Variants in MACROD2 observed in about 807,000 individuals in gnomAD.
The protein encoded by MACROD2 is ADP-ribose glycohydrolase MACROD2.
Under a neutral mutation model 70.4 loss-of-function variants are expected in MACROD2, and 36 were observed. The observed-to-expected ratio is 0.51, with a 90% confidence interval of 0.39 to 0.68. The LOEUF is 0.68. Among genes scored for constraint, MACROD2 ranks in the 30% least tolerant of loss-of-function variants. The pLI is 0.00. For missense variants in MACROD2, 496 were observed against 538.4 expected, an observed-to-expected ratio of 0.92 and a Z score of 0.78; for synonymous variants, 172 against 178.8, an observed-to-expected ratio of 0.96 and a Z score of 0.30.
chr20:15,373,287 A>G lies in MACROD2; in HGVS notation c.541-58118A>G, dbSNP rs572280593. Among the ~76,000 whole-genome samples, 9 of 152,248 alleles carry G rather than the reference A, an allele frequency of 5.9e-5. No individual in the cohort carries two copies. The East Asian group carries it at 1.7e-3, about 29-fold the overall frequency. On this transcript the variant is annotated intron_variant, in intron 6 of 17. Transcript: ENST00000684519. The stretch of plus-strand genomic sequence containing the variant: ...AATTTTCAGTGACTGTAGTTTTATA[A>G]CCTTGATGTCTGGAAGGGCAAAACC...
intron 3 of MACROD2, among the ~76,000 whole-genome samples, chr20:14,230,669 C>CCATAGATATATATATATA (rs1388842581): frequency 1.1e-5 from 1 of 92,922 alleles, no homozygotes; most frequent in Non-Finnish European, 1.9e-5. Flanking sequence ...CAGGCTGGGC[C>CCATAGATATATATATATA]TATATATATA....
chr20:14,903,673 G>A lies in MACROD2; in HGVS notation c.418+218714G>A, dbSNP rs558368440. Among the ~76,000 whole-genome samples the A allele has an allele frequency of 2.7e-3, 413 of 152,168 alleles. 3 individuals are homozygous for A. Among genetic ancestry groups the A allele is most frequent in the Non-Finnish European group, 4.4e-3 (299 of 68,014 alleles). On this transcript the variant is annotated intron_variant, in intron 5 of 17. Transcript: ENST00000684519. Reference sequence around the variant, plus strand: ...TCATTAGGATACTGTTAGATGCTGTGACAAATAATCCCCACATTTCAGCAG... The same window carrying A: ...TCATTAGGATACTGTTAGATGCTGTAACAAATAATCCCCACATTTCAGCAG...
At chr20:14,897,534 TTTCAGC>T (rs2073845158) in intron 5 of MACROD2, among the ~76,000 whole-genome samples, 1 of 152,312 alleles carries the variant, frequency 6.6e-6, no homozygotes, top group African/African-American at 2.4e-5. Context: ...TACATCTTAG[TTTCAGC>T]ACATGGAATT....
At chr20:15,898,969 T>C (rs2065019303) in intron 10 of MACROD2, among the ~76,000 whole-genome samples, 1 of 151,836 alleles carries the variant, frequency 6.6e-6, no homozygotes, top group African/African-American at 2.4e-5. Flanking sequence ...TACACATACC[T>C]ATATGTGTGT....
chr20:14,682,943 G>A (rs1304665496), intron 4 of MACROD2, among the ~76,000 whole-genome samples: 3 of 152,006 alleles, frequency 2.0e-5, no homozygotes, highest in Non-Finnish European at 2.9e-5. Flanking sequence ...GCAATGGCAC[G>A]ATCTTGGCTC....
At chr20:15,539,643 T>G (rs927934805) in intron 8 of MACROD2, among the ~76,000 whole-genome samples, 4 of 152,196 alleles carry the variant, frequency 2.6e-5, no homozygotes, top group African/African-American at 9.7e-5. Context: ...AGCCATATTT[T>G]AACAAGAAAA....
intron 3 of MACROD2, among the ~76,000 whole-genome samples, chr20:14,165,262 T>G (rs1476513968): frequency 6.6e-6 from 1 of 152,086 alleles, no homozygotes; most frequent in East Asian, 1.9e-4. Flanking sequence ...GGGTCAAGTC[T>G]TTTCCTGTGT....
intron 4 of MACROD2, among the ~76,000 whole-genome samples, chr20:14,500,677 T>A (rs2084906253): frequency 6.6e-6 from 1 of 152,232 alleles, no homozygotes; most frequent in Non-Finnish European, 1.5e-5. Context: ...TAACTTTGGT[T>A]ACTGTGATCC....
At chr20:14,113,201 T>C (rs1488401171) in intron 3 of MACROD2, among the ~76,000 whole-genome samples, 35 of 152,070 alleles carry the variant, frequency 2.3e-4, no homozygotes, top group Admixed American at 2.3e-3. Flanking sequence ...TATTTTATTT[T>C]TACATACTGT....
At chr20:15,597,865 G>A (rs569198435) in intron 8 of MACROD2, among the ~76,000 whole-genome samples, 1 of 152,346 alleles carries the variant, frequency 6.6e-6, no homozygotes, top group South Asian at 2.1e-4. Context: ...GATCACCTGA[G>A]GTCAGGAGTT....
At chr20:14,647,864 C>T (rs1985478881) in intron 4 of MACROD2, among the ~76,000 whole-genome samples, 1 of 152,078 alleles carries the variant, frequency 6.6e-6, no homozygotes, top group African/African-American at 2.4e-5. Context: ...GGAGTACCTT[C>T]ATGTTACTCT....
chr20:14,837,289 A>C (rs549933425), intron 5 of MACROD2, among the ~76,000 whole-genome samples: 1 of 152,202 alleles, frequency 6.6e-6, no homozygotes, highest in East Asian at 1.9e-4. Flanking sequence ...TTATCATTAG[A>C]ACATTTTTGG....
intron 12 of MACROD2, among the ~76,000 whole-genome samples, chr20:15,945,429 A>G (rs1476689537): frequency 2.0e-5 from 3 of 152,150 alleles, no homozygotes; most frequent in African/African-American, 7.2e-5. Flanking sequence ...TATGATAAAC[A>G]AGCACTTTTT....
intron 7 of MACROD2, among the ~76,000 whole-genome samples, chr20:15,499,420 G>A (rs1282446166): frequency 6.6e-6 from 1 of 152,060 alleles, no homozygotes; most frequent in Non-Finnish European, 1.5e-5. Flanking sequence ...TTAAGCTGAG[G>A]ATAATAAACT....
At chr20:14,485,490 G>A (rs531443806) in intron 3 of MACROD2, among the ~76,000 whole-genome samples, 183 of 151,936 alleles carry the variant, frequency 1.2e-3, no homozygotes, top group Middle Eastern at 3.4e-3. Context: ...TCACGAGGTC[G>A]GGAAATCAGG....
intron 2 of MACROD2, among the ~76,000 whole-genome samples, chr20:14,044,406 T>C (rs1317829000): frequency 6.6e-6 from 1 of 152,010 alleles, no homozygotes; most frequent in African/African-American, 2.4e-5. Flanking sequence ...GCTTCCACAG[T>C]GTGGAAGGGG....
chr20:14,102,331 A>G (rs1261488168), intron 3 of MACROD2, among the ~76,000 whole-genome samples: 1 of 151,954 alleles, frequency 6.6e-6, no homozygotes, highest in Non-Finnish European at 1.5e-5. Context: ...CTTCTGAAGA[A>G]CTCAGAGGGA....
intron 5 of MACROD2, among the ~76,000 whole-genome samples, chr20:15,207,163 GTT>G (rs1400921462): frequency 6.6e-6 from 1 of 151,898 alleles, no homozygotes; most frequent in Non-Finnish European, 1.5e-5. Flanking sequence ...ATTTTTTCTA[GTT>G]TCCTGATGCC....
chr20:14,578,419 T>A (rs1980766019), intron 4 of MACROD2, among the ~76,000 whole-genome samples: 1 of 152,124 alleles, frequency 6.6e-6, no homozygotes, highest in South Asian at 2.1e-4. Context: ...AGTGTTTCAT[T>A]TAAGGGAGGG....
Sources: allele counts gnomAD v4.1 joint callset (sites outside exome capture counted in the v4.1 genomes callset), GRCh38; gene constraint gnomAD v4.1.1; transcripts MANE v1.5; gene names NCBI Gene and HGNC (gene_info 2026-07-23, HGNC 2026-07-21).